WDPCP: variants seen among roughly 807,000 people sequenced by gnomAD.
The protein encoded by WDPCP is WD repeat containing planar cell polarity effector.
In WDPCP, 71 loss-of-function variants were observed where a neutral mutation model predicts 93.1. That is an observed-to-expected ratio of 0.76 (90% CI 0.63 to 0.93). The LOEUF (loss-of-function observed/expected upper bound fraction) is 0.93, where lower values mean the gene tolerates loss of function less well. Among genes scored for constraint, WDPCP ranks in the 40% least tolerant of loss-of-function variants. The pLI, the probability that WDPCP is intolerant of heterozygous loss-of-function variation, is 0.00. For synonymous variants in WDPCP, 315 were observed against 315.0 expected (o/e 1.00, Z 0.00); for missense variants, 844 against 887.4 (o/e 0.95, Z 0.62).
chr2:63,490,123 G>C (rs182592854), intron 2 of WDPCP, among the ~76,000 whole-genome samples: 1 of 147,836 alleles, frequency 6.8e-6, no homozygotes, highest in Non-Finnish European at 1.5e-5. Context: ...AAAAAAAGGC[G>C]GAGGATGAAG....
At chr2:63,268,943 C>A (rs962558342) in intron 13 of WDPCP, among the ~76,000 whole-genome samples, 4 of 152,096 alleles carry the variant, frequency 2.6e-5, no homozygotes, top group Admixed American at 6.5e-5. Context: ...CATAAACACA[C>A]ACAATTGTTA....
intron 13 of WDPCP, among the ~76,000 whole-genome samples, chr2:63,306,757 G>C (rs535137873): frequency 2.0e-5 from 3 of 151,972 alleles, no homozygotes; most frequent in African/African-American, 7.2e-5. Flanking sequence ...TAATAAGACC[G>C]ATCTATGACA....
intron 6 of WDPCP, among the ~76,000 whole-genome samples, chr2:63,479,664 A>G (rs1700157770): frequency 6.6e-6 from 1 of 152,276 alleles, no homozygotes; most frequent in East Asian, 1.9e-4. Flanking sequence ...ACATACCTTA[A>G]TGTAATAAAA....
chr2:63,622,939 G>T, intron 3 of WDPCP: 1 of 935,758 alleles, frequency 1.1e-6, no homozygotes, highest in Non-Finnish European at 1.6e-6. Flanking sequence ...CTGCTGCCAG[G>T]CTCGTAGCTC....
At chr2:63,184,258 G>C (rs997679594) in intron 14 of WDPCP, among the ~76,000 whole-genome samples, 6 of 151,856 alleles carry the variant, frequency 4.0e-5, no homozygotes, top group African/African-American at 1.5e-4. Flanking sequence ...CTGTCCTGTT[G>C]TAATTTGATT....
intron 15 of WDPCP, among the ~76,000 whole-genome samples, chr2:63,158,834 T>C (rs1672442614): frequency 6.6e-6 from 1 of 151,930 alleles, no homozygotes; most frequent in South Asian, 2.1e-4. Context: ...AACCTATCAA[T>C]GAGTTAAAAA....
At chr2:63,456,516 T>C (rs554647928) in intron 6 of WDPCP, among the ~76,000 whole-genome samples, 10 of 152,242 alleles carry the variant, frequency 6.6e-5, no homozygotes, top group African/African-American at 2.2e-4. Context: ...GTGAAAGCAG[T>C]GCTAAGAGGG....
chr2:63,352,930 G>A (rs1689734566), intron 12 of WDPCP, among the ~76,000 whole-genome samples: 1 of 152,124 alleles, frequency 6.6e-6, no homozygotes, highest in Non-Finnish European at 1.5e-5. Flanking sequence ...AACTAGTAAG[G>A]TAGTGGCCCT....
intron 14 of WDPCP, among the ~76,000 whole-genome samples, chr2:63,236,902 T>C (rs1679446205): frequency 6.6e-6 from 1 of 151,908 alleles, no homozygotes; most frequent in South Asian, 2.1e-4. Context: ...AATACTCTTG[T>C]GGAAATTGAC....
chr2:63,141,949 T>C (rs1284505237), intron 17 of WDPCP, among the ~76,000 whole-genome samples: 1 of 152,160 alleles, frequency 6.6e-6, no homozygotes, highest in Non-Finnish European at 1.5e-5. Context: ...ACTTGAATGA[T>C]CTTTTGTATT....
intron 12 of WDPCP, among the ~76,000 whole-genome samples, chr2:63,373,369 C>G (rs1691574794): frequency 6.6e-6 from 1 of 151,634 alleles, no homozygotes. Flanking sequence ...CCCATCCCAG[C>G]CTTCCAAGTA....
At chr2:63,575,401 A>ATACACTG (rs1558831826) in intron 1 of WDPCP, among the ~76,000 whole-genome samples, 353 of 21,432 alleles carry the variant, frequency 0.016, 21 homozygotes, top group Non-Finnish European at 0.047. Context: ...TATATACAGT[A>ATACACTG]TATATACAGT....
At chr2:63,784,305 A>T (rs1670438653) in intron 2 of WDPCP, among the ~76,000 whole-genome samples, 1 of 152,112 alleles carries the variant, frequency 6.6e-6, no homozygotes, top group Non-Finnish European at 1.5e-5. Context: ...GGAAGAGAGA[A>T]GGGGTCCCAA....
At chr2:63,268,551 T>C (rs955331188) in intron 13 of WDPCP, among the ~76,000 whole-genome samples, 1 of 152,144 alleles carries the variant, frequency 6.6e-6, no homozygotes, top group African/African-American at 2.4e-5. Flanking sequence ...ATTGCAACCT[T>C]GACCTCCAGG....
At chr2:63,817,557 C>T (rs767549141) in intron 1 of WDPCP, among the ~76,000 whole-genome samples, 2 of 152,186 alleles carry the variant, frequency 1.3e-5, no homozygotes, top group African/African-American at 2.4e-5. Flanking sequence ...TTGCCTGCCA[C>T]CAATAAAATT....
At chr2:63,403,440 C>A (rs933842290) in intron 10 of WDPCP, among the ~76,000 whole-genome samples, 10 of 151,854 alleles carry the variant, frequency 6.6e-5, no homozygotes, top group East Asian at 1.9e-4. Context: ...AAAAAAAATT[C>A]TCTTGGTTGA....
intron 1 of WDPCP, among the ~76,000 whole-genome samples, chr2:63,494,325 A>G (rs2105961465): frequency 6.6e-6 from 1 of 152,300 alleles, no homozygotes; most frequent in East Asian, 1.9e-4. Flanking sequence ...GATGATGATG[A>G]TGATGGAGAA....
At chr2:63,622,043 C>T in intron 3 of WDPCP, 1 of 776,288 alleles carries the variant, frequency 1.3e-6, no homozygotes. Flanking sequence ...ACTCCCCTCA[C>T]CCCTCAACAT....
At chr2:63,485,104 G>T in intron 4 of WDPCP, 117 bp from the exon 5 acceptor site, 2 of 1,042,508 alleles carry the variant, frequency 1.9e-6, no homozygotes, top group Non-Finnish European at 1.4e-6. Context: ...GAGGAAGTGG[G>T]CTTCATTTCC....
Sources: gnomAD v4.1 joint callset for allele counts (sites outside exome capture counted in the v4.1 genomes callset) on GRCh38, gnomAD v4.1.1 for gene constraint, MANE v1.5 for transcripts, NCBI Gene and HGNC (gene_info 2026-07-23, HGNC 2026-07-21) for gene names.